The following GDPD3 variants were observed in gnomAD, a reference collection of about 807,000 sequenced individuals.
GDPD3 encodes the protein glycerophosphodiester phosphodiesterase domain containing 3.
GDPD3 carries 40 observed loss-of-function variants against 43.7 expected under a neutral mutation model. The observed-to-expected ratio is 0.91, with a 90% CI of 0.71 to 1.19. The LOEUF is 1.19. GDPD3 is among the 50% of genes most tolerant of loss of function. The pLI, the probability that GDPD3 is intolerant of heterozygous loss-of-function variation, is 0.00. For missense variants in GDPD3, 363 were observed against 415.8 expected (o/e 0.87, Z 1.11); for synonymous variants, 145 against 162.9 (o/e 0.89, Z 0.84).
chr16:30,106,766 G>C (rs2072863637), intron 9 of GDPD3, among the ~76,000 whole-genome samples: 1 of 151,860 alleles, frequency 6.6e-6, no homozygotes, highest in East Asian at 1.9e-4. Context: ...GAGTGCAGTG[G>C]CGTGATCTCG....
chr16:30,108,605 C>CGA, intron 7 of GDPD3, 173 bp from the exon 8 acceptor site: 1 of 608,028 alleles, frequency 1.6e-6, no homozygotes, highest in East Asian at 2.8e-5. Flanking sequence ...GTTCAGAGAG[C>CGA]CTACTCTGAC....
At chr16:30,105,980 G>A (rs1172770216) in intron 9 of GDPD3, among the ~76,000 whole-genome samples, 6 of 151,732 alleles carry the variant, frequency 4.0e-5, no homozygotes, top group African/African-American at 7.2e-5. Context: ...GCGTGGTGGC[G>A]GGCGACTGTA....
In GDPD3 at chr16:30,113,404, C is replaced by A. The variant is rs2072920712; in HGVS notation, c.75G>T (p.Arg25=). 6.2e-7 allele frequency: 1 copy of A among 1,612,292 alleles called. No individual in the cohort carries two copies. Among genetic ancestry groups the A allele is most frequent in the South Asian group, 1.1e-5 (1 of 90,908 alleles). ...YAMLSIFFLR[R]PHLLHTPRAP... The stretch of plus-strand genomic sequence containing the variant: ...CCCTGGGCGTGTGCAGCAGATGAGG[C>A]CGGCGCAGGAAGAAGATGGAGAGCA... The change falls in exon 1 of 10, where the codon CGG becomes CGT. Residue 25 remains arginine, a synonymous_variant. Coordinates refer to ENST00000406256, the MANE Select transcript of GDPD3 (RefSeq NM_024307.3). The surrounding 1 kb of genome is among the most constrained non-coding windows in gnomAD (Gnocchi z 5.9).
chr16:30,108,572 C>T, intron 7 of GDPD3, 140 bp from the exon 8 acceptor site: 1 of 720,424 alleles, frequency 1.4e-6, no homozygotes, highest in South Asian at 1.6e-5. Context: ...TTTGTAGTTG[C>T]CCCAGTGAAC....
intron 9 of GDPD3, among the ~76,000 whole-genome samples, chr16:30,106,662 G>GC (rs1174552016): frequency 6.6e-6 from 1 of 152,094 alleles, no homozygotes; most frequent in Non-Finnish European, 1.5e-5. Flanking sequence ...CTCCTAACTA[G>GC]CTGGGACTAC....
intron 7 of GDPD3, chr16:30,111,172 A>G (rs897819840): frequency 1.3e-5 from 7 of 536,232 alleles, no homozygotes; most frequent in Non-Finnish European, 2.3e-5. Context: ...GAGATGGATA[A>G]ATTACCTCTC....
At position 30,108,387 on chromosome 16, in the gene GDPD3, A is replaced by G. The variant is rs1336620730; in HGVS notation, c.753T>C (p.Ala251=). 1.2e-6 allele frequency: 2 copies of G among 1,613,940 alleles called. No individual in the cohort carries two copies. The highest frequency in any genetic ancestry group is 1.7e-6 in the Non-Finnish European group (2 of 1,180,004). The change falls in exon 8 of 10, where the codon GCT becomes GCC. Residue 251 remains alanine (A), a synonymous_variant. Transcript: ENST00000406256. ...GCCCACCTCACCATTTCGAAACCAC[A>G]GCCAATAACTGGTTCAGGCAAGAGC... is the stretch of plus-strand genomic sequence containing the variant. ...FSCSCLNQLL[A]VVSKWLIMRK...
At position 30,108,435 on chromosome 16, in the gene GDPD3, G is replaced by A. The variant is rs2072875684; in HGVS notation, c.708-3C>T. On this transcript the variant is annotated splice_polypyrimidine_tract_variant and splice_region_variant and intron_variant, in intron 7 of 9. Transcript: ENST00000406256. ...AGCAGGAAAATGGGAAATAGGTCCT[G>A]CAGAGAGAAGGAAGTGGGGGTTAGC... is the stretch of plus-strand genomic sequence containing the variant. 2 of 1,613,948 alleles carry A rather than the reference G, an allele frequency of 1.2e-6. No homozygotes were observed. The highest frequency in any genetic ancestry group is 1.7e-4 in the Middle Eastern group (1 of 6,060).
Sources: allele counts gnomAD v4.1 joint callset (sites outside exome capture counted in the v4.1 genomes callset), GRCh38; gene constraint gnomAD v4.1.1; non-coding constraint Gnocchi (gnomAD v3.1); transcripts MANE v1.5; gene names NCBI Gene and HGNC (gene_info 2026-07-23, HGNC 2026-07-21).